Variants in KCNT1 observed in about 807,000 individuals in gnomAD.
KCNT1 encodes potassium sodium-activated channel subfamily T member 1.
Under a neutral mutation model 147.8 loss-of-function variants are expected in KCNT1, and 78 were observed. The ratio of observed to expected loss-of-function variants is 0.53; its 90% CI spans 0.44 to 0.64. The LOEUF (loss-of-function observed/expected upper bound fraction) is 0.64, where lower values mean the gene tolerates loss of function less well. KCNT1 is among the 30% of genes least tolerant of loss of function. The pLI, the probability that KCNT1 is intolerant of heterozygous loss-of-function variation, is 0.00. For missense variants in KCNT1, 1,419 were observed against 1,750.3 expected, an observed-to-expected ratio of 0.81 and a Z score of 3.38; for synonymous variants, 867 against 748.8, an observed-to-expected ratio of 1.16 and a Z score of -2.58.
At chr9:135,713,681 G>A (rs1366083223) in intron 1 of KCNT1, among the ~76,000 whole-genome samples, 1 of 152,170 alleles carries the variant, frequency 6.6e-6, no homozygotes, top group East Asian at 1.9e-4. Flanking sequence ...TGCTGGCCTC[G>A]AAGCCTTGAA....
intron 29 of KCNT1, among the ~76,000 whole-genome samples, chr9:135,788,659 C>G (rs1834257055): frequency 6.6e-6 from 1 of 152,158 alleles, no homozygotes; most frequent in Non-Finnish European, 1.5e-5. Context: ...GGGGTGGGGA[C>G]TCCAAGCCAC....
At chr9:135,724,829 C>T (rs1451342099) in intron 2 of KCNT1, among the ~76,000 whole-genome samples, 2 of 152,224 alleles carry the variant, frequency 1.3e-5, no homozygotes, top group Non-Finnish European at 2.9e-5. Flanking sequence ...TGGATTGGAG[C>T]TTCCTCCGCC....
chr9:135,760,529 T>C (rs1588332686), intron 11 of KCNT1, among the ~76,000 whole-genome samples: 1 of 152,096 alleles, frequency 6.6e-6, no homozygotes, highest in Non-Finnish European at 1.5e-5. Flanking sequence ...CCTGAGGAGG[T>C]GGCCAGGGCC....
Position 135,781,786 on chromosome 9 carries a change from G to A in KCNT1, c.2842-2238G>A, listed in dbSNP as rs530736443. Among the ~76,000 whole-genome samples, 33 of 152,288 alleles carry A rather than the reference G, an allele frequency of 2.2e-4. 1 individual carries two copies. The South Asian group carries it at 6.0e-3, about 28-fold the overall frequency. ...GGAGGTGGAGATGGCATACACGACC[G>A]TCAGTGAGATGCTCTGCCAGGTGCA... On this transcript the variant is annotated intron_variant, in intron 24 of 30. Coordinates refer to ENST00000371757, the MANE Select transcript of KCNT1 (RefSeq NM_020822.3).
chr9:135,775,528 C>A (rs905051703), intron 20 of KCNT1, 113 bp downstream of exon 20: 1 of 718,262 alleles, frequency 1.4e-6, no homozygotes, highest in Admixed American at 3.3e-5. Flanking sequence ...TTGCAAACTT[C>A]TAGCACAGCT....
chr9:135,765,024 C>T lies in KCNT1; in HGVS notation c.1036-7C>T, dbSNP rs774394132. 8 of 1,603,082 alleles carry T rather than the reference C, an allele frequency of 5.0e-6. No homozygotes were observed. Among genetic ancestry groups the T allele is most frequent in the South Asian group, 4.4e-5 (4 of 90,882 alleles). ...GTCGCTGGTGCTCACCTGTTTCTCA[C>T]CTGCAGTTCGAGGAGCTCGTCTACC... On this transcript the variant is annotated splice_region_variant and splice_polypyrimidine_tract_variant and intron_variant, in intron 11 of 30. Transcript: ENST00000371757.
At position 135,784,392 on chromosome 9, in the gene KCNT1, C is replaced by CTG. The variant is rs532449273; in HGVS notation, c.2944-133_2944-132dup. Reference sequence around the variant, plus strand: ...TGTGGTGCTTGGGGACCTGGTGGTTCTGTGTGTGTGTATGCATGAGGGGTG... The same window carrying CTG: ...TGTGGTGCTTGGGGACCTGGTGGTTCTGTGTGTGTGTGTATGCATGAGGGGTG... On this transcript the variant is annotated intron_variant, in intron 25 of 30. Transcript: ENST00000371757. 1,679 of 679,104 alleles carry CTG rather than the reference C, an allele frequency of 2.5e-3. 29 individuals carry two copies. The African/African-American group carries it at 0.026, about 11-fold the overall frequency. The allele number at this position is 679,104 out of a possible 1,614,324, so 42.1% of individuals were successfully genotyped here. A position where few individuals can be genotyped will look rare whatever the true frequency, so the allele number is the denominator to read the frequency against.
intron 11 of KCNT1, among the ~76,000 whole-genome samples, chr9:135,762,438 C>T (rs1282366007): frequency 6.6e-6 from 1 of 152,042 alleles, no homozygotes; most frequent in Middle Eastern, 3.4e-3. Context: ...GAGAGTGAGA[C>T]CCTGTTTCAA....
intron 19 of KCNT1, 82 bp downstream of exon 19, chr9:135,773,031 G>C: frequency 4.0e-6 from 4 of 991,028 alleles, no homozygotes; most frequent in Non-Finnish European, 4.2e-6. Flanking sequence ...AGCATCCTTG[G>C]TGGTCCCCCA....
At chr9:135,759,989 C>A in intron 11 of KCNT1, 130 bp downstream of exon 11, 1 of 840,174 alleles carries the variant, frequency 1.2e-6, no homozygotes, top group Non-Finnish European at 1.8e-6. Flanking sequence ...TGAGGCCAGG[C>A]GGGTGGTGCC....
intron 23 of KCNT1, among the ~76,000 whole-genome samples, chr9:135,779,054 T>A (rs1199679326): frequency 2.3e-5 from 2 of 88,058 alleles, no homozygotes; most frequent in Non-Finnish European, 4.2e-5. Context: ...ACCACAGCCA[T>A]GGGACCACAC....
chr9:135,775,309 G>A lies in KCNT1; in HGVS notation c.2244-1G>A, dbSNP rs1412885784. ...CTGAGGGCTCCTGTCTCCTGCCCCA[G>A]GTATGTGAAGGGCTACCCTCCCAAC... On this transcript the variant is annotated splice_acceptor_variant, in intron 19 of 30. Transcript: ENST00000371757. LOFTEE classifies it high-confidence loss of function. 3 of 1,603,704 alleles carry A rather than the reference G, an allele frequency of 1.9e-6. No individual in the cohort carries two copies. Among genetic ancestry groups the A allele is most frequent in the Non-Finnish European group, 2.6e-6 (3 of 1,174,674 alleles).
rs2131450994 is a variant in KCNT1, at chr9:135,759,719, C to T, written c.895C>T (p.Leu299=). The change falls in exon 11 of 31, where the codon CTG becomes TTG. Residue 299 remains leucine (L), a synonymous_variant. Coordinates refer to ENST00000371757, the MANE Select transcript of KCNT1 (RefSeq NM_020822.3). The part of the protein sequence containing the change: ...IQHLERAGEN[L]SLLTSFYFCI... ...GCACCTGGAGCGGGCGGGCGAGAAC[C>T]TGTCCCTCCTGACCTCCTTCTACTT... 1.2e-6 allele frequency: 2 copies of T among 1,613,134 alleles called. No individual in the cohort carries two copies. Among genetic ancestry groups the T allele is most frequent in the Non-Finnish European group, 1.7e-6 (2 of 1,179,630 alleles).
chr9:135,766,943 G>A (rs560729742), intron 13 of KCNT1, among the ~76,000 whole-genome samples: 1 of 152,306 alleles, frequency 6.6e-6, no homozygotes, highest in South Asian at 2.1e-4. Flanking sequence ...GGGAGAACGG[G>A]CTGAAGGTAG....
rs1228993210 is a variant in KCNT1, at chr9:135,714,412, C to A, written c.111-165C>A. On this transcript the variant is annotated intron_variant, in intron 1 of 30. Coordinates refer to ENST00000371757, the MANE Select transcript of KCNT1 (RefSeq NM_020822.3). This position sits in a 1 kb window ranked among gnomAD's most constrained non-coding sequence, Gnocchi z 6.2. Reference sequence around the variant, plus strand: ...CGGCGCAGCCGGTCCCGCGCGCCCCCGCCCGCATGTGCCGCCAGGCCCGCC... The same window carrying A: ...CGGCGCAGCCGGTCCCGCGCGCCCCAGCCCGCATGTGCCGCCAGGCCCGCC... 1 of 198,370 alleles carries A rather than the reference C, an allele frequency of 5.0e-6. No homozygotes were observed. The highest frequency in any genetic ancestry group is 8.9e-6 in the Non-Finnish European group (1 of 112,578). The allele number at this position is 198,370 out of a possible 1,614,324, so 12.3% of individuals were successfully genotyped here.
chr9:135,783,715 G>A (rs971606396), intron 24 of KCNT1, among the ~76,000 whole-genome samples: 5 of 152,240 alleles, frequency 3.3e-5, no homozygotes, highest in Non-Finnish European at 5.9e-5. Flanking sequence ...GGCAAGAGCA[G>A]GGCGCTTGAC....
chr9:135,753,676 C>A, intron 4 of KCNT1: 1 of 566,178 alleles, frequency 1.8e-6, no homozygotes, highest in Non-Finnish European at 3.2e-6. Flanking sequence ...TGGGATGTAC[C>A]CTCGCTGTCT....
At chr9:135,707,105 C>G (rs1309281251) in intron 1 of KCNT1, among the ~76,000 whole-genome samples, 2 of 149,470 alleles carry the variant, frequency 1.3e-5, no homozygotes, top group African/African-American at 2.5e-5. Flanking sequence ...AGCAACATAG[C>G]AAGACCCCTG....
rs540649182 is a variant in KCNT1 at position 135,771,156 on chromosome 9, G to A, written c.2008+61G>A. On this transcript the variant is annotated intron_variant, in intron 18 of 30. Coordinates refer to ENST00000371757, the MANE Select transcript of KCNT1 (RefSeq NM_020822.3). ...TGCTCCTTTGGCGGGAGACCAGGCG[G>A]GACACCGGCAGGTGACCAGGTGGGA... 92 of 1,474,160 alleles carry A rather than the reference G, an allele frequency of 6.2e-5. No homozygotes were observed. The African/African-American group carries it at 1.1e-3, about 17-fold the overall frequency. The allele number at this position is 1,474,160 out of a possible 1,614,324, so 91.3% of individuals were successfully genotyped here. A position where few individuals can be genotyped will look rare whatever the true frequency, so the allele number is the denominator to read the frequency against.
Sources: gnomAD v4.1 joint callset for allele counts (sites outside exome capture counted in the v4.1 genomes callset) on GRCh38, gnomAD v4.1.1 for gene constraint, Gnocchi (gnomAD v3.1) non-coding constraint, MANE v1.5 for transcripts, NCBI Gene and HGNC (gene_info 2026-07-23, HGNC 2026-07-21) for gene names.